CTSH: variants seen among roughly 807,000 people sequenced by gnomAD.
CTSH encodes the protein cathepsin H.
Under a neutral mutation model 56.3 loss-of-function variants are expected in CTSH, and 52 were observed. The observed-to-expected ratio is 0.92, with a 90% confidence interval of 0.74 to 1.16. The LOEUF (loss-of-function observed/expected upper bound fraction) is 1.16, where lower values mean the gene tolerates loss of function less well. Ranked by LOEUF, CTSH falls within the 50% of genes most tolerant of loss-of-function variation. The probability of loss-of-function intolerance (pLI) is 0.00; values close to 1 mark genes in which losing one functional copy is unlikely to be tolerated. For missense variants in CTSH, 406 were observed against 424.5 expected (o/e 0.96, Z 0.38); for synonymous variants, 174 against 155.7 (o/e 1.12, Z -0.88).
At chr15:78,939,021 C>A (rs1306298284) in intron 2 of CTSH, 119 bp downstream of exon 2, 6 of 885,804 alleles carry the variant, frequency 6.8e-6, no homozygotes, top group Non-Finnish European at 1.1e-5. Flanking sequence ...TCTGGAAAGA[C>A]CCCACTAGGC....
Position 78,927,771 on chromosome 15 carries a change from C to A in CTSH, c.641G>T (p.Cys214Phe), listed in dbSNP as rs375601338. 28 of 1,614,000 alleles carry A rather than the reference C, an allele frequency of 1.7e-5. No individual in the cohort carries two copies. The highest frequency in any genetic ancestry group is 5.3e-5 in the African/African-American group (4 of 74,930). Residue 214 changes from cysteine to phenylalanine, a missense_variant, in exon 9 of 12, where the codon TGC (cysteine) becomes TTC (phenylalanine). Cys to Phe is a radical substitution (Grantham distance 205). Transcript: ENST00000220166. ...GATGGCCTTTCCAGGTTGGAACTTG[C>A]AATAACCATCCTGTTGAGGATGCAA... is the stretch of plus-strand genomic sequence containing the variant. ...TYPYQGKDGY[C>F]KFQPGKAIGF...
chr15:78,944,796 G>C, intron 1 of CTSH, 95 bp downstream of exon 1: 3 of 1,438,430 alleles, frequency 2.1e-6, no homozygotes, highest in Non-Finnish European at 1.8e-6. Context: ...GCTCTGCCCC[G>C]TTCCTCCGGA....
intron 8 of CTSH, 116 bp downstream of exon 8, chr15:78,929,296 T>C: frequency 1.3e-6 from 1 of 799,342 alleles, no homozygotes; most frequent in Non-Finnish European, 2.1e-6. Context: ...CAGACAATTG[T>C]GAGAATTCCG....
chr15:78,923,650 G>A (rs1385071145), intron 10 of CTSH, among the ~76,000 whole-genome samples: 2 of 152,226 alleles, frequency 1.3e-5, no homozygotes, highest in South Asian at 2.1e-4. Flanking sequence ...GCTGGCCCGT[G>A]TCTCACCCCT....
chr15:78,929,316 A>G lies in CTSH; in HGVS notation c.630+96T>C, dbSNP rs2054993262. The G allele has an allele frequency of 7.9e-6, 7 of 886,504 alleles. No homozygotes were observed. The Admixed American group carries it at 1.4e-4, about 17-fold the overall frequency. The allele number at this position is 886,504 out of a possible 1,614,324, so 54.9% of individuals were successfully genotyped here. ...AATTGTGAGAATTCCGGCGGGAGGGAGGTGGGGGGAGAAGGGATGTCTTCC... is the reference window on the plus strand; with the variant it reads ...AATTGTGAGAATTCCGGCGGGAGGGGGGTGGGGGGAGAAGGGATGTCTTCC... On this transcript the variant is annotated intron_variant, in intron 8 of 11. Coordinates refer to ENST00000220166, the MANE Select transcript of CTSH (RefSeq NM_004390.5).
intron 6 of CTSH, chr15:78,932,019 C>A: frequency 8.5e-7 from 1 of 1,181,532 alleles, no homozygotes. Flanking sequence ...CCGGCTCTTC[C>A]CTCATGAAGA....
At chr15:78,926,940 C>T (rs1401371131) in intron 9 of CTSH, 3 of 152,234 alleles carry the variant, frequency 2.0e-5, no homozygotes, top group African/African-American at 4.8e-5. Context: ...ATGGCAGCCG[C>T]TGTCATTACA....
intron 6 of CTSH, chr15:78,931,843 G>A: frequency 1.6e-6 from 2 of 1,274,906 alleles, no homozygotes; most frequent in Non-Finnish European, 2.0e-6. Context: ...GGGGGAAACA[G>A]GCCCAGCCAG....
chr15:78,933,137 C>T lies in CTSH; in HGVS notation c.406-679G>A, dbSNP rs978070791. Among the ~76,000 whole-genome samples, 4 of 152,338 alleles carry T rather than the reference C, an allele frequency of 2.6e-5. No individual in the cohort carries two copies. The East Asian group carries it at 5.8e-4, about 22-fold the overall frequency. On this transcript the variant is annotated intron_variant, in intron 5 of 11. Transcript: ENST00000220166. ...TAACAGTTCATTGCCGCTGCCTAGC[C>T]CCCTTATTCACAACACCTCCAGAAT...
intron 5 of CTSH, among the ~76,000 whole-genome samples, chr15:78,934,407 A>G (rs1261786446): frequency 6.6e-6 from 1 of 151,934 alleles, no homozygotes; most frequent in Non-Finnish European, 1.5e-5. Flanking sequence ...CAGGGTCCAG[A>G]CTCTCTGGGA....
chr15:78,932,428 TG>T lies in CTSH; in HGVS notation c.435del (p.Thr146ProfsTer83), dbSNP rs1337986918. ...QGACGSCWTF[S>X]TTGALESAIA... ...ATCGCAGACTCCAGGGCCCCAGTGG[TG>T]GAGAAAGTCCAGCAACTGCCGCAGG... On this transcript the variant is annotated frameshift_variant, in exon 6 of 12. Transcript: ENST00000220166. LOFTEE classifies it high-confidence loss of function. The T allele has an allele frequency of 6.2e-7, 1 of 1,614,012 alleles. No homozygotes were observed. Among genetic ancestry groups the T allele is most frequent in the East Asian group, 2.2e-5 (1 of 44,874 alleles).
chr15:78,929,247 CAGGT>C (rs1431237569), intron 8 of CTSH, among the ~76,000 whole-genome samples, 161 bp downstream of exon 8: 2 of 150,520 alleles, frequency 1.3e-5, no homozygotes, highest in Admixed American at 6.6e-5. Flanking sequence ...GCAGTGGGCT[CAGGT>C]GGGTGGAGGA....
chr15:78,937,498 TAAGAGGA>T, intron 2 of CTSH, 75 bp from the exon 3 acceptor site: 1 of 1,440,084 alleles, frequency 6.9e-7, no homozygotes, highest in Non-Finnish European at 9.6e-7. Flanking sequence ...TTTGTTTTCC[TAAGAGGA>T]AAGATGAAGG....
chr15:78,933,080 G>C (rs2055100035), intron 5 of CTSH, among the ~76,000 whole-genome samples: 2 of 151,936 alleles, frequency 1.3e-5, no homozygotes, highest in South Asian at 4.2e-4. Flanking sequence ...GACTCTGGGG[G>C]ACCCGCCCCA....
intron 1 of CTSH, among the ~76,000 whole-genome samples, chr15:78,941,229 A>C (rs1417321295): frequency 6.6e-6 from 1 of 151,054 alleles, no homozygotes; most frequent in African/African-American, 2.4e-5. Flanking sequence ...GTTTGAGACC[A>C]GCCTGGCCAA....
chr15:78,944,843 A>G, intron 1 of CTSH, 48 bp downstream of exon 1: 1 of 1,515,524 alleles, frequency 6.6e-7, no homozygotes, highest in Non-Finnish European at 8.9e-7. Flanking sequence ...CCCAGCGTCC[A>G]CTCTAGGGCC....
chr15:78,932,015 C>T, intron 6 of CTSH: 1 of 1,179,298 alleles, frequency 8.5e-7, no homozygotes, highest in African/African-American at 1.6e-5. Flanking sequence ...GGTCCCGGCT[C>T]TTCCCTCATG....
At chr15:78,936,349 G>A (rs2055176840) in intron 3 of CTSH, among the ~76,000 whole-genome samples, 1 of 148,428 alleles carries the variant, frequency 6.7e-6, no homozygotes, top group Non-Finnish European at 1.5e-5. Flanking sequence ...GCCCGGCTAA[G>A]TTTTGTATTT....
In CTSH at chr15:78,922,993, CCGTT is replaced by C; in HGVS notation, c.928_931del (p.Asn310GlyfsTer84). 1 of 1,607,394 alleles carries C rather than the reference CCGTT, an allele frequency of 6.2e-7. No homozygotes were observed. ...GAAGTGGGACCTGGGAGCTGCTTAC[CCGTT>C]CATTCCCCACTGGGGACCCCAAGAG... On this transcript the variant is annotated frameshift_variant and splice_region_variant, in exon 11 of 12. Transcript: ENST00000220166. LOFTEE classifies it high-confidence loss of function.
Sources: allele counts gnomAD v4.1 joint callset (sites outside exome capture counted in the v4.1 genomes callset), GRCh38; gene constraint gnomAD v4.1.1; transcripts MANE v1.5; gene names NCBI Gene and HGNC (gene_info 2026-07-23, HGNC 2026-07-21).